TRPM6: variants seen among roughly 807,000 people sequenced by gnomAD.
TRPM6 encodes transient receptor potential cation channel subfamily M member 6.
TRPM6 carries 111 observed loss-of-function variants against 247.6 expected under a neutral mutation model. The observed-to-expected ratio is 0.45, with a 90% confidence interval of 0.38 to 0.52. TRPM6 has a LOEUF of 0.52. Ranked by LOEUF, TRPM6 falls within the 20% of genes least tolerant of loss-of-function variation. The probability of loss-of-function intolerance (pLI) is 0.00; values close to 1 mark genes in which losing one functional copy is unlikely to be tolerated. For synonymous variants in TRPM6, 892 were observed against 853.8 expected (o/e 1.04, Z -0.78); for missense variants, 2,126 against 2,421.5 (o/e 0.88, Z 2.56).
rs537743774 is a variant in TRPM6, at chr9:74,753,367, G to GA, written c.4907-1000dup. On this transcript the variant is annotated intron_variant, in intron 28 of 38. Transcript: ENST00000360774. ...CATTTTTCCTAATGATTTTGTGCTG[G>GA]AAAAAAAAAAGTATACAAGAAGTAT... 2.8e-4 allele frequency among the ~76,000 whole-genome samples: 42 copies of GA among 148,258 alleles called. No homozygotes were observed. The Middle Eastern group carries it at 0.017, about 60-fold the overall frequency.
At chr9:74,777,649 G>T (rs1827270139) in intron 23 of TRPM6, among the ~76,000 whole-genome samples, 1 of 152,108 alleles carries the variant, frequency 6.6e-6, no homozygotes, top group Non-Finnish European at 1.5e-5. Context: ...TGAATAGAAG[G>T]TAGAAACAGG....
chr9:74,800,098 G>A (rs889297123), intron 17 of TRPM6, 156 bp downstream of exon 17: 27 of 703,612 alleles, frequency 3.8e-5, no homozygotes, highest in South Asian at 2.9e-4. Flanking sequence ...AAGGGTATAC[G>A]AGTAGCTGCA....
intron 5 of TRPM6, among the ~76,000 whole-genome samples, chr9:74,835,447 A>T (rs1227174717): frequency 6.6e-6 from 1 of 152,100 alleles, no homozygotes; most frequent in African/African-American, 2.4e-5. Context: ...TCCCTTGCTC[A>T]TTAAGGCAAA....
intron 38 of TRPM6, among the ~76,000 whole-genome samples, chr9:74,724,991 C>T (rs1293977908): frequency 6.6e-6 from 1 of 152,174 alleles, no homozygotes; most frequent in African/African-American, 2.4e-5. Flanking sequence ...GACTTGGTTG[C>T]TTGCTTCAAT....
At chr9:74,882,160 ACC>A (rs879591948) in intron 1 of TRPM6, among the ~76,000 whole-genome samples, 11 of 152,168 alleles carry the variant, frequency 7.2e-5, no homozygotes, top group Non-Finnish European at 1.3e-4. Flanking sequence ...TGCAGCTAAG[ACC>A]TCATAAGCAC....
At chr9:74,799,241 C>T (rs375865569) in intron 17 of TRPM6, among the ~76,000 whole-genome samples, 42 of 152,096 alleles carry the variant, frequency 2.8e-4, no homozygotes, top group South Asian at 8.3e-4. Flanking sequence ...TTTAAGAACT[C>T]TAGGAAAAAT....
Position 74,800,097 on chromosome 9 carries a change from C to T in TRPM6, c.2238+157G>A, listed in dbSNP as rs140806157. ...AGACCAATCTTCTGTCAAGGGTATA[C>T]GAGTAGCTGCAGTCCCCTGCTAGAA... On this transcript the variant is annotated intron_variant, in intron 17 of 38. Coordinates refer to ENST00000360774, the MANE Select transcript of TRPM6 (RefSeq NM_017662.5). 1,422 of 700,934 alleles carry T rather than the reference C, an allele frequency of 2.0e-3. 4 individuals are homozygous for T. The highest frequency in any genetic ancestry group is 3.2e-3 in the Non-Finnish European group (1,277 of 398,122). The allele number at this position is 700,934 out of a possible 1,614,324, so 43.4% of individuals were successfully genotyped here.
At chr9:74,803,304 A>G (rs1828410380) in intron 15 of TRPM6, among the ~76,000 whole-genome samples, 1 of 151,778 alleles carries the variant, frequency 6.6e-6, no homozygotes, top group Non-Finnish European at 1.5e-5. Flanking sequence ...GTACACACAC[A>G]CACACACACA....
In TRPM6 at chr9:74,844,648, A is replaced by G. The variant is rs1349587169; in HGVS notation, c.153-2305T>C. Among the ~76,000 whole-genome samples the G allele has an allele frequency of 2.0e-5, 3 of 152,288 alleles. No homozygotes were observed. The East Asian group carries it at 5.8e-4, about 29-fold the overall frequency. ...GTGGCTGGTTTGATCTTCCATCCAG[A>G]CCACTCAAACTTTCTTCATATCAGC... On this transcript the variant is annotated intron_variant, in intron 3 of 38. Coordinates refer to ENST00000360774, the MANE Select transcript of TRPM6 (RefSeq NM_017662.5).
chr9:74,880,524 T>A lies in TRPM6; in HGVS notation c.33+7300A>T, dbSNP rs532895400. ...AGAAACTTTACAAGCCAGGAGAGAA[T>A]GCAATGATATATTCAAAATACCGAA... On this transcript the variant is annotated intron_variant, in intron 1 of 38. Coordinates refer to ENST00000360774, the MANE Select transcript of TRPM6 (RefSeq NM_017662.5). Among the ~76,000 whole-genome samples, 3 of 152,070 alleles carry A rather than the reference T, an allele frequency of 2.0e-5. No individual in the cohort carries two copies. In the South Asian group the frequency reaches 6.2e-4, roughly 32 times the overall value.
chr9:74,829,784 T>C (rs779487176), intron 6 of TRPM6, among the ~76,000 whole-genome samples: 1 of 152,094 alleles, frequency 6.6e-6, no homozygotes, highest in African/African-American at 2.4e-5. Context: ...CTATGAGAAA[T>C]GCAGCATACT....
chr9:74,867,352 C>T (rs1226471870), intron 1 of TRPM6, among the ~76,000 whole-genome samples: 1 of 152,152 alleles, frequency 6.6e-6, no homozygotes, highest in East Asian at 1.9e-4. Flanking sequence ...AGTCCTTGGA[C>T]CACATACAGA....
chr9:74,842,116 A>G, intron 4 of TRPM6, 50 bp downstream of exon 4: 1 of 1,575,914 alleles, frequency 6.3e-7, no homozygotes, highest in Non-Finnish European at 8.7e-7. Context: ...CGTCTCGAAA[A>G]AAAAAAAAAA....
chr9:74,863,335 C>T (rs1564056473), intron 1 of TRPM6, among the ~76,000 whole-genome samples: 2 of 152,118 alleles, frequency 1.3e-5, no homozygotes, highest in African/African-American at 4.8e-5. Context: ...GCGTGAGCCA[C>T]TGTGCATGAC....
chr9:74,759,755 TAAAAG>T (rs1015530132), intron 27 of TRPM6, among the ~76,000 whole-genome samples: 7 of 152,054 alleles, frequency 4.6e-5, no homozygotes, highest in African/African-American at 1.2e-4. Context: ...TCATAGACTA[TAAAAG>T]AAAAGAATCA....
At chr9:74,869,246 A>C (rs1449502241) in intron 1 of TRPM6, among the ~76,000 whole-genome samples, 1 of 152,072 alleles carries the variant, frequency 6.6e-6, no homozygotes, top group Non-Finnish European at 1.5e-5. Flanking sequence ...CGAGGCAGGC[A>C]GATCACAAGG....
In TRPM6 at chr9:74,887,893, G is replaced by A. The variant is rs1486368392; in HGVS notation, c.-37C>T. The A allele has an allele frequency of 6.2e-7, 1 of 1,613,844 alleles. No individual in the cohort carries two copies. The highest frequency in any genetic ancestry group is 8.5e-7 in the Non-Finnish European group (1 of 1,179,954). On this transcript the variant is annotated 5_prime_UTR_variant, in exon 1 of 39. Transcript: ENST00000360774. The stretch of plus-strand genomic sequence containing the variant: ...AGGCCCTGCTCCCAAAGCCCTGTCT[G>A]AGCTTTTAACTGTGGAGGCAGAAAC...
At position 74,723,879 on chromosome 9, in the gene TRPM6, A is replaced by G. The variant is rs982342124; in HGVS notation, c.*734T>C. On this transcript the variant is annotated 3_prime_UTR_variant, in exon 39 of 39. Coordinates refer to ENST00000360774, the MANE Select transcript of TRPM6 (RefSeq NM_017662.5). ...TATATATAATATATATATTCCATAT[A>G]TATTATATATATAAAAATATATATA... 6.2e-5 allele frequency: 9 copies of G among 146,304 alleles called. No individual in the cohort carries two copies. The highest frequency in any genetic ancestry group is 2.1e-4 in the South Asian group (1 of 4,780). The allele number at this position is 146,304 out of a possible 1,614,324, so 9.1% of individuals were successfully genotyped here.
At chr9:74,772,163 C>G (rs974443332) in intron 24 of TRPM6, among the ~76,000 whole-genome samples, 3 of 152,122 alleles carry the variant, frequency 2.0e-5, no homozygotes, top group Non-Finnish European at 4.4e-5. Context: ...CCTGTGGTCC[C>G]AGCTACACAG....
Sources: allele counts gnomAD v4.1 joint callset (sites outside exome capture counted in the v4.1 genomes callset), GRCh38; gene constraint gnomAD v4.1.1; transcripts MANE v1.5; gene names NCBI Gene and HGNC (gene_info 2026-07-23, HGNC 2026-07-21).